IFNAR1: variants seen among roughly 807,000 people sequenced by gnomAD.
IFNAR1 encodes interferon alpha/beta receptor 1.
In IFNAR1, 47 loss-of-function variants were observed where a neutral mutation model predicts 62.1. That is an observed-to-expected ratio of 0.76 (90% CI 0.60 to 0.97). The LOEUF (loss-of-function observed/expected upper bound fraction) is 0.97, where lower values mean the gene tolerates loss of function less well. IFNAR1 is among the 50% of genes least tolerant of loss of function. The pLI is 0.00. For missense variants in IFNAR1, 638 were observed against 654.5 expected (o/e 0.97, Z 0.27); for synonymous variants, 219 against 226.9 (o/e 0.97, Z 0.31).
intron 6 of IFNAR1, 63 bp from the exon 7 acceptor site, chr21:33,349,028 T>C (rs2083375184): frequency 1.0e-6 from 1 of 1,000,506 alleles, no homozygotes; most frequent in Non-Finnish European, 1.5e-6. Flanking sequence ...CCTAACATAG[T>C]GTCTGGCAAT....
chr21:33,339,396 A>T (rs1207223591), intron 2 of IFNAR1, among the ~76,000 whole-genome samples: 1 of 152,226 alleles, frequency 6.6e-6, no homozygotes, highest in East Asian at 1.9e-4. Context: ...GTAATTTCTT[A>T]AAAATGTTTC....
At chr21:33,351,724 AT>A (rs1190408977) in intron 8 of IFNAR1, among the ~76,000 whole-genome samples, 1 of 151,062 alleles carries the variant, frequency 6.6e-6, no homozygotes, top group African/African-American at 2.4e-5. Context: ...AATTTTTTGT[AT>A]TTTTGCTAAA....
At chr21:33,347,503 G>A (rs1161393462) in intron 6 of IFNAR1, among the ~76,000 whole-genome samples, 3 of 152,088 alleles carry the variant, frequency 2.0e-5, no homozygotes, top group Non-Finnish European at 4.4e-5. Context: ...CTGGCCCCAA[G>A]TGATCTGCCC....
chr21:33,335,578 A>G lies in IFNAR1; in HGVS notation c.131A>G (p.Asn44Ser), dbSNP rs139293982. ...GTAGAGGTCGACATCATAGATGACA[A>G]CTTTATCCTGAGGTGGAACAGGAGC... ...QKVEVDIIDD[N>S]FILRWNRSDE... The change falls in exon 2 of 11, where the codon AAC (asparagine) becomes AGC (serine). Residue 44 changes from asparagine to serine, a missense_variant. Transcript: ENST00000270139. 8 of 1,608,278 alleles carry G rather than the reference A, an allele frequency of 5.0e-6. No homozygotes were observed. Among genetic ancestry groups the G allele is most frequent in the African/African-American group, 4.0e-5 (3 of 74,842 alleles).
chr21:33,333,080 CAGAG>C (rs1042737286), intron 1 of IFNAR1, among the ~76,000 whole-genome samples: 10 of 152,138 alleles, frequency 6.6e-5, no homozygotes, highest in Admixed American at 5.2e-4. Flanking sequence ...AAGTCAAAGA[CAGAG>C]AAAGAATTCT....
At chr21:33,331,398 G>A (rs1411156708) in intron 1 of IFNAR1, among the ~76,000 whole-genome samples, 4 of 152,162 alleles carry the variant, frequency 2.6e-5, no homozygotes, top group East Asian at 3.8e-4. Flanking sequence ...TGGCCAAACC[G>A]AGCAGCTATG....
At chr21:33,339,769 A>G (rs2083276300) in intron 2 of IFNAR1, among the ~76,000 whole-genome samples, 1 of 151,938 alleles carries the variant, frequency 6.6e-6, no homozygotes, top group Admixed American at 6.5e-5. Context: ...TAAAAAAAAA[A>G]ATACAAAAAT....
At chr21:33,347,797 G>A (rs920487071) in intron 6 of IFNAR1, among the ~76,000 whole-genome samples, 1 of 152,186 alleles carries the variant, frequency 6.6e-6, no homozygotes, top group Non-Finnish European at 1.5e-5. Flanking sequence ...GAATCTTGGG[G>A]GCCATCTCAG....
intron 2 of IFNAR1, among the ~76,000 whole-genome samples, chr21:33,337,126 G>A (rs937508211): frequency 2.3e-4 from 35 of 151,996 alleles, no homozygotes; most frequent in African/African-American, 8.2e-4. Context: ...GGGAAGCTGA[G>A]GCAGAAGAAT....
intron 8 of IFNAR1, among the ~76,000 whole-genome samples, chr21:33,350,896 C>T (rs1238315884): frequency 6.6e-6 from 1 of 152,160 alleles, no homozygotes; most frequent in Non-Finnish European, 1.5e-5. Context: ...GGTGCTTTAC[C>T]TCTTGGAGAC....
At position 33,349,398 on chromosome 21, in the gene IFNAR1, T is replaced by G. The variant is rs1313811971; in HGVS notation, c.998T>G (p.Leu333Arg). 6.3e-7 allele frequency: 1 copy of G among 1,587,808 alleles called. No individual in the cohort carries two copies. The highest frequency in any genetic ancestry group is 1.4e-5 in the African/African-American group (1 of 73,262). The change falls in exon 8 of 11, where the codon CTT (leucine) becomes CGT (arginine). Residue 333 changes from leucine (L) to arginine (R), a missense_variant. Leu to Arg is a moderately radical substitution (Grantham distance 102). Transcript: ENST00000270139. ...TACAAATTTTTTCTAGCTTTCCTAC[T>G]TCCTCCAGTCTTTAACATTAGATCC... ...KFDTEIQAFLLPPVFNIRSLS... is the reference protein window; with the variant it reads ...KFDTEIQAFLRPPVFNIRSLS...
intron 1 of IFNAR1, among the ~76,000 whole-genome samples, 181 bp from the exon 2 acceptor site, chr21:33,335,343 A>C (rs2083223170): frequency 6.6e-6 from 1 of 152,254 alleles, no homozygotes; most frequent in Non-Finnish European, 1.5e-5. Flanking sequence ...TCTCAGATGC[A>C]GAAATGTAAT....
At position 33,349,530 on chromosome 21, in the gene IFNAR1, C is replaced by T. The variant is rs752074349; in HGVS notation, c.1130C>T (p.Thr377Ile). The change falls in exon 8 of 11, where the codon ACT (threonine) becomes ATT (isoleucine). Residue 377 changes from threonine to isoleucine, a missense_variant. By Grantham distance (89) the Thr-to-Ile change is moderately conservative (BLOSUM62 -1). Transcript: ENST00000270139. ...LIYEIIFWENTSNAERKIIEK... is the reference protein window; with the variant it reads ...LIYEIIFWENISNAERKIIEK... ...TATGAAATTATTTTTTGGGAAAACACTTCAAATGCTGAGGTAAAAAGACTG... is the reference window on the plus strand; with the variant it reads ...TATGAAATTATTTTTTGGGAAAACATTTCAAATGCTGAGGTAAAAAGACTG... 2 of 1,602,498 alleles carry T rather than the reference C, an allele frequency of 1.2e-6. No individual in the cohort carries two copies. Among genetic ancestry groups the T allele is most frequent in the South Asian group, 2.2e-5 (2 of 89,464 alleles).
At chr21:33,345,977 A>G (rs2083341900) in intron 6 of IFNAR1, among the ~76,000 whole-genome samples, 1 of 152,222 alleles carries the variant, frequency 6.6e-6, no homozygotes, top group African/African-American at 2.4e-5. Context: ...CCAGCTACTC[A>G]GTGGGCTGAG....
At chr21:33,332,293 C>T (rs1472834512) in intron 1 of IFNAR1, among the ~76,000 whole-genome samples, 1 of 152,192 alleles carries the variant, frequency 6.6e-6, no homozygotes, top group African/African-American at 2.4e-5. Flanking sequence ...ACATTGAACA[C>T]AGGTAAAGCA....
rs747744490 is a variant in IFNAR1 at position 33,355,105 on chromosome 21, A to G, written c.1441-211A>G. ...CTTAGGTACTCTTCAAAGACTCACCACAGAAGGTACTAAGATATGAGTGAC... is the reference window on the plus strand; with the variant it reads ...CTTAGGTACTCTTCAAAGACTCACCGCAGAAGGTACTAAGATATGAGTGAC... On this transcript the variant is annotated intron_variant, in intron 10 of 10. Coordinates refer to ENST00000270139, the MANE Select transcript of IFNAR1 (RefSeq NM_000629.3). 1.5e-3 allele frequency among the ~76,000 whole-genome samples: 231 copies of G among 152,232 alleles called. 1 individual carries two copies. Among genetic ancestry groups the G allele is most frequent in the Non-Finnish European group, 2.5e-3 (172 of 67,996 alleles).
At chr21:33,334,763 G>C (rs2083216995) in intron 1 of IFNAR1, 2 of 788,016 alleles carry the variant, frequency 2.5e-6, no homozygotes, top group Middle Eastern at 3.2e-4. Flanking sequence ...GGGGCAGCTG[G>C]ATGTCCAGAC....
rs573547131 is a variant in IFNAR1 at position 33,339,975 on chromosome 21, C to T, written c.201-1024C>T. On this transcript the variant is annotated intron_variant, in intron 2 of 10. Coordinates refer to ENST00000270139, the MANE Select transcript of IFNAR1 (RefSeq NM_000629.3). The stretch of plus-strand genomic sequence containing the variant: ...AGAAATCTGCTAAGTTCGTTTCTAT[C>T]CCTCACTTTCCCTGCAAGCTCTTCT... 2.0e-5 allele frequency among the ~76,000 whole-genome samples: 3 copies of T among 151,190 alleles called. No individual in the cohort carries two copies. In the East Asian group the frequency reaches 5.8e-4, roughly 29 times the overall value.
At position 33,349,506 on chromosome 21, in the gene IFNAR1, A is replaced by C; in HGVS notation, c.1106A>C (p.Tyr369Ser). 2.5e-6 allele frequency: 4 copies of C among 1,611,998 alleles called. No individual in the cohort carries two copies. The highest frequency in any genetic ancestry group is 3.4e-6 in the Non-Finnish European group (4 of 1,178,544). Residue 369 changes from tyrosine (Y) to serine (S), a missense_variant, in exon 8 of 11, where the codon TAT becomes TCT. By Grantham distance (144) the Tyr-to-Ser change is moderately radical. Coordinates refer to ENST00000270139, the MANE Select transcript of IFNAR1 (RefSeq NM_000629.3). Reference protein sequence around the residue: ...TPVIQDYPLIYEIIFWENTSN... With the variant: ...TPVIQDYPLISEIIFWENTSN... ...GTGATCCAGGATTATCCACTGATTT[A>C]TGAAATTATTTTTTGGGAAAACACT...
Sources: gnomAD v4.1 joint callset for allele counts (sites outside exome capture counted in the v4.1 genomes callset) on GRCh38, gnomAD v4.1.1 for gene constraint, MANE v1.5 for transcripts, NCBI Gene and HGNC (gene_info 2026-07-23, HGNC 2026-07-21) for gene names.